Variants in VCL observed in about 807,000 individuals in gnomAD.
The protein encoded by VCL is vinculin, also known as epididymis luminal protein 114.
VCL carries 47 observed loss-of-function variants against 125.7 expected under a neutral mutation model. That is an observed-to-expected ratio of 0.37 (90% CI 0.30 to 0.48). VCL has a LOEUF of 0.48. Among genes scored for constraint, VCL ranks in the 20% least tolerant of loss-of-function variants. VCL has a pLI of 0.99. For synonymous variants in VCL, 458 were observed against 514.6 expected (o/e 0.89, Z 1.49); for missense variants, 1,069 against 1,455.5 (o/e 0.73, Z 4.32).
At chr10:74,077,771 A>T (rs1839614744) in intron 6 of VCL, 1 of 454,516 alleles carries the variant, frequency 2.2e-6, no homozygotes, top group Non-Finnish European at 4.4e-6. Context: ...AATTCTTGGT[A>T]AAAGTGCGTC....
chr10:74,108,457 G>A (rs1840171180), intron 17 of VCL, among the ~76,000 whole-genome samples: 1 of 151,954 alleles, frequency 6.6e-6, no homozygotes, highest in African/African-American at 2.4e-5. Flanking sequence ...AACCAAAACA[G>A]TAGCTGCAAG....
At position 74,070,811 on chromosome 10, in the gene VCL, T is replaced by A. The variant is rs988276832; in HGVS notation, c.381T>A (p.Asp127Glu). 2 of 1,613,942 alleles carry A rather than the reference T, an allele frequency of 1.2e-6. No individual in the cohort carries two copies. Among genetic ancestry groups the A allele is most frequent in the African/African-American group, 2.7e-5 (2 of 74,892 alleles). ...CATCAGACCTGCTCCTTACCTTCGA[T>A]GAGGCTGAGGTAGGCAATCTGAGAC... Reference protein sequence around the residue: ...SGTSDLLLTFDEAEVRKIIRV... With the variant: ...SGTSDLLLTFEEAEVRKIIRV... Residue 127 changes from aspartate (D) to glutamate (E), a missense_variant, in exon 3 of 22, where the codon GAT becomes GAA. Asp to Glu is a conservative substitution (Grantham distance 45). Transcript: ENST00000211998.
intron 14 of VCL, 114 bp from the exon 15 acceptor site, chr10:74,103,706 C>T: frequency 1.0e-6 from 1 of 971,560 alleles, no homozygotes; most frequent in Non-Finnish European, 1.6e-6. Context: ...AAGAGACTTG[C>T]CACTTTCTGG....
chr10:74,029,666 C>G (rs997810318), intron 1 of VCL, among the ~76,000 whole-genome samples: 2 of 152,200 alleles, frequency 1.3e-5, no homozygotes, highest in African/African-American at 4.8e-5. Context: ...CATGGTTCAT[C>G]TGCTGCCTAG....
In VCL at chr10:74,032,728, ATATT is replaced by A. The variant is rs199882142; in HGVS notation, c.169-10354_169-10351del. Among the ~76,000 whole-genome samples, 29 of 150,222 alleles carry A rather than the reference ATATT, an allele frequency of 1.9e-4. 1 individual carries two copies. Among genetic ancestry groups the A allele is most frequent in the African/African-American group, 7.1e-4 (29 of 40,874 alleles). On this transcript the variant is annotated intron_variant, in intron 1 of 21. Transcript: ENST00000211998. ...AAAAAAAATATATATATATATATAT[ATATT>A]GGCAAGGTATCTGAATAGACATTTC...
At chr10:74,008,931 CA>C (rs1204852784) in intron 1 of VCL, among the ~76,000 whole-genome samples, 1 of 152,192 alleles carries the variant, frequency 6.6e-6, no homozygotes, top group Non-Finnish European at 1.5e-5. Context: ...GAATAAAAAA[CA>C]AACTTCTGCC....
intron 1 of VCL, among the ~76,000 whole-genome samples, chr10:74,042,236 A>G (rs1841107340): frequency 6.6e-6 from 1 of 152,220 alleles, no homozygotes; most frequent in African/African-American, 2.4e-5. Flanking sequence ...TACTCAACCT[A>G]ACGATATATC....
chr10:74,059,244 A>G (rs1841436927), intron 2 of VCL, among the ~76,000 whole-genome samples: 1 of 152,044 alleles, frequency 6.6e-6, no homozygotes. Flanking sequence ...AATCCCAACT[A>G]CTGGGAGGCT....
rs749628307 is a variant in VCL, at chr10:74,074,809, G to A, written c.689G>A (p.Arg230His). 22 of 1,613,868 alleles carry A rather than the reference G, an allele frequency of 1.4e-5. No individual in the cohort carries two copies. Among genetic ancestry groups the A allele is most frequent in the South Asian group, 2.2e-5 (2 of 91,082 alleles). The change falls in exon 6 of 22, where the codon CGC becomes CAC. Residue 230 changes from arginine (R) to histidine (H), a missense_variant. Coordinates refer to ENST00000211998, the MANE Select transcript of VCL (RefSeq NM_014000.3). Reference protein sequence around the residue: ...NQGIEEALKNRNFTVEKMSAE... With the variant: ...NQGIEEALKNHNFTVEKMSAE... ...GGCATAGAGGAAGCTTTAAAAAATC[G>A]CAATTTTACTGTAGAAAAAATGAGT...
At position 74,109,144 on chromosome 10, in the gene VCL, A is replaced by G. The variant is rs2131933726; in HGVS notation, c.2733A>G (p.Lys911=). The stretch of plus-strand genomic sequence containing the variant: ...GACAGCTCCATGATGAAGCTCGCAA[A>G]TGGTCCAGCAAGGTAAGTAGTGAAG... ...AARQLHDEAR[K]WSSKPGIPAA... The change falls in exon 18 of 22, where the codon AAA becomes AAG. Residue 911 remains lysine, a synonymous_variant. Coordinates refer to ENST00000211998, the MANE Select transcript of VCL (RefSeq NM_014000.3). 1 of 1,614,116 alleles carries G rather than the reference A, an allele frequency of 6.2e-7. No homozygotes were observed.
At chr10:74,043,198 CTT>C (rs1564516039) in intron 2 of VCL, 45 bp downstream of exon 2, 1 of 1,531,554 alleles carries the variant, frequency 6.5e-7, no homozygotes, top group South Asian at 1.1e-5. Context: ...GAATAATACT[CTT>C]GTTAGGAAGA....
Position 74,022,628 on chromosome 10 carries a change from T to C in VCL, c.169-20455T>C, listed in dbSNP as rs1047983712. 4.6e-5 allele frequency among the ~76,000 whole-genome samples: 7 copies of C among 150,730 alleles called. 1 individual carries two copies. Among genetic ancestry groups the C allele is most frequent in the Non-Finnish European group, 8.9e-5 (6 of 67,696 alleles). On this transcript the variant is annotated intron_variant, in intron 1 of 21. Transcript: ENST00000211998. Reference sequence around the variant, plus strand: ...AATAAATAAGTAAATAAAACTTCAGTGTCCGTAATGTCTTTTTTTTTTTTT... The same window carrying C: ...AATAAATAAGTAAATAAAACTTCAGCGTCCGTAATGTCTTTTTTTTTTTTT...
intron 1 of VCL, 141 bp from the exon 2 acceptor site, chr10:74,042,942 T>G: frequency 1.2e-6 from 1 of 809,040 alleles, no homozygotes; most frequent in African/African-American, 1.7e-5. Context: ...CTAAAAAATT[T>G]TTTAAATCCA....
intron 21 of VCL, among the ~76,000 whole-genome samples, chr10:74,117,722 C>T (rs1049363318): frequency 4.6e-5 from 7 of 152,168 alleles, no homozygotes; most frequent in African/African-American, 1.7e-4. Context: ...GAGGGGATCC[C>T]TGGGATCCCT....
At chr10:74,021,276 G>T (rs1397186239) in intron 1 of VCL, among the ~76,000 whole-genome samples, 2 of 151,960 alleles carry the variant, frequency 1.3e-5, no homozygotes, top group Non-Finnish European at 2.9e-5. Context: ...GTTCGTGTCT[G>T]TTTCCACCCC....
intron 8 of VCL, among the ~76,000 whole-genome samples, chr10:74,087,601 C>A (rs1445336189): frequency 6.8e-6 from 1 of 146,792 alleles, no homozygotes; most frequent in Non-Finnish European, 1.5e-5. Flanking sequence ...ACCTCGTGAT[C>A]CGCCCACCTT....
chr10:74,023,582 T>C (rs11000852), intron 1 of VCL, among the ~76,000 whole-genome samples: 51,366 of 152,190 alleles, frequency 0.34, 10,535 homozygotes, highest in Non-Finnish European at 0.47. Context: ...TGGGAATAAG[T>C]TATCTGAGAT....
chr10:74,082,109 G>C (rs1342822731), intron 6 of VCL, among the ~76,000 whole-genome samples: 1 of 152,202 alleles, frequency 6.6e-6, no homozygotes, highest in Non-Finnish European at 1.5e-5. Context: ...ATGTTGACTA[G>C]TGGAAAGGCT....
chr10:74,101,545 T>G (rs866608335), intron 14 of VCL, among the ~76,000 whole-genome samples: 3 of 134,990 alleles, frequency 2.2e-5, no homozygotes, highest in East Asian at 2.0e-4. Context: ...TTTATTAGTT[T>G]TTTTTTTTTT....
Sources: allele counts gnomAD v4.1 joint callset (sites outside exome capture counted in the v4.1 genomes callset), GRCh38; gene constraint gnomAD v4.1.1; transcripts MANE v1.5; gene names NCBI Gene and HGNC (gene_info 2026-07-23, HGNC 2026-07-21).